WWC1: variants seen among roughly 807,000 people sequenced by gnomAD.
The protein encoded by WWC1 is protein KIBRA.
Under a neutral mutation model 138.4 loss-of-function variants are expected in WWC1, and 55 were observed. The observed-to-expected ratio is 0.40, with a 90% CI of 0.32 to 0.50. The LOEUF (loss-of-function observed/expected upper bound fraction) is 0.50. Ranked by LOEUF, WWC1 falls within the 20% of genes least tolerant of loss-of-function variation. The pLI is 0.72. For missense variants in WWC1, 1,226 were observed against 1,420.4 expected, an observed-to-expected ratio of 0.86 and a Z score of 2.20; for synonymous variants, 524 against 564.9, an observed-to-expected ratio of 0.93 and a Z score of 1.03.
At chr5:168,446,414 C>T (rs1755272947) in intron 17 of WWC1, among the ~76,000 whole-genome samples, 1 of 152,062 alleles carries the variant, frequency 6.6e-6, no homozygotes, top group Non-Finnish European at 1.5e-5. Context: ...TGAGAAAGGT[C>T]TCATCATACA....
At chr5:168,337,506 C>T (rs1175871298) in intron 1 of WWC1, among the ~76,000 whole-genome samples, 2 of 152,110 alleles carry the variant, frequency 1.3e-5, no homozygotes, top group Non-Finnish European at 2.9e-5. Context: ...GGACAGCCCC[C>T]GCCACAAAGA....
At position 168,428,744 on chromosome 5, in the gene WWC1, G is replaced by A; in HGVS notation, c.1957G>A (p.Glu653Lys). Reference protein sequence around the residue: ...ASEAAAFDSDESEAVGATRIQ... With the variant: ...ASEAAAFDSDKSEAVGATRIQ... ...AGAAGCTGCTGCATTTGACAGTGACGAATCGGAAGCAGTGGGTGCGACCCG... is the reference window on the plus strand; with the variant it reads ...AGAAGCTGCTGCATTTGACAGTGACAAATCGGAAGCAGTGGGTGCGACCCG... Residue 653 changes from glutamate (E) to lysine (K), a missense_variant, in exon 13 of 23, where the codon GAA becomes AAA. Glu to Lys is a moderately conservative substitution (Grantham distance 56). Coordinates refer to ENST00000265293, the MANE Select transcript of WWC1 (RefSeq NM_015238.3). The A allele has an allele frequency of 2.5e-6, 4 of 1,613,960 alleles. No individual in the cohort carries two copies. The highest frequency in any genetic ancestry group is 2.2e-5 in the East Asian group (1 of 44,872).
intron 16 of WWC1, 25 bp downstream of exon 16, chr5:168,441,859 C>G: frequency 6.2e-7 from 1 of 1,607,640 alleles, no homozygotes; most frequent in Non-Finnish European, 8.5e-7. Context: ...GGTGTGCCAC[C>G]TTCCCACAAG....
chr5:168,323,034 A>G (rs1772245541), intron 1 of WWC1, among the ~76,000 whole-genome samples: 1 of 152,230 alleles, frequency 6.6e-6, no homozygotes, highest in South Asian at 2.1e-4. Flanking sequence ...ACAGACCTAG[A>G]GATGACTTTA....
chr5:168,400,689 C>T (rs1254975729), intron 5 of WWC1, among the ~76,000 whole-genome samples: 1 of 152,158 alleles, frequency 6.6e-6, no homozygotes, highest in East Asian at 1.9e-4. Flanking sequence ...TGGCTCAGGC[C>T]TGTAATCCCA....
chr5:168,425,403 G>A (rs77397992), intron 11 of WWC1, among the ~76,000 whole-genome samples: 1,674 of 152,054 alleles, frequency 0.011, 28 homozygotes, highest in East Asian at 0.046. Flanking sequence ...GATATATAGC[G>A]TACAGGTGTT....
chr5:168,348,636 A>G (rs944760803), intron 1 of WWC1, among the ~76,000 whole-genome samples: 24 of 152,212 alleles, frequency 1.6e-4, no homozygotes, highest in Admixed American at 1.6e-3. Flanking sequence ...CCAAGGAGGA[A>G]ATACAAAGGT....
At chr5:168,302,610 C>T (rs1770192047) in intron 1 of WWC1, among the ~76,000 whole-genome samples, 1 of 151,964 alleles carries the variant, frequency 6.6e-6, no homozygotes, top group African/African-American at 2.4e-5. Flanking sequence ...GCTGGGAGTG[C>T]AATGGTGATA....
chr5:168,348,009 A>G (rs1258866466), intron 1 of WWC1, among the ~76,000 whole-genome samples: 3 of 152,144 alleles, frequency 2.0e-5, no homozygotes, highest in Non-Finnish European at 1.5e-5. Context: ...CAGTGTGACT[A>G]TTAGAGATTT....
chr5:168,434,089 C>T (rs1782152687), intron 15 of WWC1, among the ~76,000 whole-genome samples: 1 of 152,252 alleles, frequency 6.6e-6, no homozygotes. Context: ...CAAGCCTGGG[C>T]TCCTCCAGCG....
chr5:168,347,466 C>G (rs1347223568), intron 1 of WWC1, among the ~76,000 whole-genome samples: 1 of 152,154 alleles, frequency 6.6e-6, no homozygotes, highest in Non-Finnish European at 1.5e-5. Context: ...TTCTTTGGAC[C>G]TTTCGTTGAG....
chr5:168,439,341 C>T (rs577702307), intron 15 of WWC1, among the ~76,000 whole-genome samples: 28 of 152,026 alleles, frequency 1.8e-4, no homozygotes, highest in African/African-American at 5.5e-4. Flanking sequence ...TAAAATCTTT[C>T]GCTATTGGCC....
intron 3 of WWC1, among the ~76,000 whole-genome samples, chr5:168,389,470 GA>G (rs796790845): frequency 1.4e-5 from 2 of 148,018 alleles, no homozygotes; most frequent in African/African-American, 5.0e-5. Context: ...AAAAAAGAAA[GA>G]AAAAAAAGAA....
chr5:168,302,225 T>C (rs1308841773), intron 1 of WWC1, among the ~76,000 whole-genome samples: 3 of 152,158 alleles, frequency 2.0e-5, no homozygotes, highest in Non-Finnish European at 4.4e-5. Flanking sequence ...ACCTGCTGAT[T>C]TGAGCATGGT....
At position 168,460,593 on chromosome 5, in the gene WWC1, G is replaced by A. The variant is rs1756719502; in HGVS notation, c.2824-57G>A. ...ACCTGACCTCCCTCTAGGCTTCAGT[G>A]CACCTTCCAGAATGCACTCTGACCA... On this transcript the variant is annotated intron_variant, in intron 19 of 22. Coordinates refer to ENST00000265293, the MANE Select transcript of WWC1 (RefSeq NM_015238.3). 5.1e-6 allele frequency: 8 copies of A among 1,572,968 alleles called. No individual in the cohort carries two copies. In the African/African-American group the frequency reaches 5.4e-5, roughly 11 times the overall value.
chr5:168,387,908 TTCTC>T (rs35537451), intron 3 of WWC1, among the ~76,000 whole-genome samples: 6 of 151,124 alleles, frequency 4.0e-5, no homozygotes, highest in Admixed American at 1.3e-4. Context: ...GCAAAGTGAT[TTCTC>T]TCTCTCTCTC....
At chr5:168,410,633 G>T (rs980133383) in intron 8 of WWC1, among the ~76,000 whole-genome samples, 20 of 152,132 alleles carry the variant, frequency 1.3e-4, no homozygotes, top group African/African-American at 4.8e-4. Context: ...TGAACTCCTG[G>T]CCTTAATTGA....
At chr5:168,301,683 C>T (rs1770094977) in intron 1 of WWC1, among the ~76,000 whole-genome samples, 1 of 151,584 alleles carries the variant, frequency 6.6e-6, no homozygotes. Context: ...AGTTCCTTCT[C>T]AGCTATAAAA....
At position 168,421,991 on chromosome 5, in the gene WWC1, G is replaced by A; in HGVS notation, c.1185-17G>A. On this transcript the variant is annotated splice_polypyrimidine_tract_variant and intron_variant, in intron 9 of 22. Coordinates refer to ENST00000265293, the MANE Select transcript of WWC1 (RefSeq NM_015238.3). ...CTTCCTTTTGGTGCATCCCTCGCAT[G>A]CTTTCTCTCCTTCCAGGTTAAAGTT... The A allele has an allele frequency of 1.2e-6, 2 of 1,606,428 alleles. No homozygotes were observed. The highest frequency in any genetic ancestry group is 1.7e-6 in the Non-Finnish European group (2 of 1,174,874).
Sources: gnomAD v4.1 joint callset for allele counts (sites outside exome capture counted in the v4.1 genomes callset) on GRCh38, gnomAD v4.1.1 for gene constraint, MANE v1.5 for transcripts, NCBI Gene and HGNC (gene_info 2026-07-23, HGNC 2026-07-21) for gene names.